TTPA: variants seen among roughly 807,000 people sequenced by gnomAD.
TTPA encodes the protein alpha-tocopherol transfer protein.
Under a neutral mutation model 25.9 loss-of-function variants are expected in TTPA, and 23 were observed. The observed-to-expected ratio is 0.89, with a 90% CI of 0.64 to 1.26. TTPA has a LOEUF of 1.26. Among genes scored for constraint, TTPA ranks in the 50% most tolerant of loss-of-function variants. The pLI is 0.00. For missense variants in TTPA, 337 were observed against 353.1 expected, an observed-to-expected ratio of 0.95 and a Z score of 0.37; for synonymous variants, 148 against 137.3, an observed-to-expected ratio of 1.08 and a Z score of -0.54.
chr8:63,067,867 T>C (rs180806342), intron 2 of TTPA, among the ~76,000 whole-genome samples: 103 of 152,298 alleles, frequency 6.8e-4, no homozygotes, highest in Non-Finnish European at 1.2e-3. Flanking sequence ...ACATGTGGTA[T>C]TTCGTTTTCT....
At chr8:63,085,096 A>G (rs1179525049) in intron 1 of TTPA, among the ~76,000 whole-genome samples, 5 of 152,204 alleles carry the variant, frequency 3.3e-5, no homozygotes, top group East Asian at 1.9e-4. Context: ...TTAATGTTCA[A>G]TCTTCACAAA....
intron 2 of TTPA, among the ~76,000 whole-genome samples, chr8:63,072,013 T>G (rs1805491067): frequency 6.6e-6 from 1 of 152,204 alleles, no homozygotes; most frequent in African/African-American, 2.4e-5. Context: ...GTTAATGGAA[T>G]ACCGTGTCTG....
chr8:63,073,607 T>C (rs1203387079), intron 1 of TTPA, among the ~76,000 whole-genome samples: 3 of 152,184 alleles, frequency 2.0e-5, no homozygotes. Flanking sequence ...TCCTGGATAG[T>C]GTGACCTCAG....
At chr8:63,065,047 A>T (rs1805367756) in intron 3 of TTPA, among the ~76,000 whole-genome samples, 2 of 152,206 alleles carry the variant, frequency 1.3e-5, no homozygotes. Context: ...GCTTTTGCAA[A>T]TATCATGTTT....
chr8:63,079,545 A>G (rs890172263), intron 1 of TTPA, among the ~76,000 whole-genome samples: 2 of 152,176 alleles, frequency 1.3e-5, no homozygotes, highest in African/African-American at 2.4e-5. Context: ...GATAAAACAG[A>G]CTTTAAACCA....
chr8:63,065,408 C>T (rs1805373660), intron 3 of TTPA, among the ~76,000 whole-genome samples: 1 of 152,108 alleles, frequency 6.6e-6, no homozygotes, highest in East Asian at 1.9e-4. Context: ...AAGTACCTGG[C>T]ACATAGTAAG....
chr8:63,065,991 C>T lies in TTPA; in HGVS notation c.465G>A (p.Lys155=), dbSNP rs755714678. 17 of 1,613,908 alleles carry T rather than the reference C, an allele frequency of 1.1e-5. No individual in the cohort carries two copies. The East Asian group carries it at 2.5e-4, about 23-fold the overall frequency. ...QEVETQRNGI[K]AIFDLEGWQF... Reference sequence around the variant, plus strand: ...GCCAACCTTCCAGATCAAAGATAGCCTTGATTCCATTCCGCTGAGTTTCTA... The same window carrying T: ...GCCAACCTTCCAGATCAAAGATAGCTTTGATTCCATTCCGCTGAGTTTCTA... Residue 155 remains lysine (K), a synonymous_variant, in exon 3 of 5, where the codon AAG becomes AAA. Transcript: ENST00000260116.
chr8:63,076,381 T>C (rs1277540325), intron 1 of TTPA, among the ~76,000 whole-genome samples: 1 of 151,012 alleles, frequency 6.6e-6, no homozygotes, highest in Non-Finnish European at 1.5e-5. Context: ...GCTTCTATAT[T>C]ATGAATGAAG....
intron 1 of TTPA, among the ~76,000 whole-genome samples, chr8:63,074,475 G>A (rs1157880155): frequency 6.6e-6 from 1 of 152,152 alleles, no homozygotes; most frequent in Non-Finnish European, 1.5e-5. Context: ...GTTGCTAAGA[G>A]TTAAATGCAA....
intron 2 of TTPA, among the ~76,000 whole-genome samples, chr8:63,070,263 T>G (rs7846558): frequency 2.0e-5 from 3 of 152,212 alleles, no homozygotes; most frequent in Admixed American, 6.5e-5. Context: ...AATTATATCC[T>G]ACAGCATGTT....
chr8:63,060,021 T>C lies in TTPA; in HGVS notation c.*1231A>G, dbSNP rs542746881. On this transcript the variant is annotated 3_prime_UTR_variant, in exon 5 of 5. Transcript: ENST00000260116. ...TTTACCAGATGTTTTTTTAAGTTAATATAAATTGCAGGATTTGATTAAAAT... is the reference window on the plus strand; with the variant it reads ...TTTACCAGATGTTTTTTTAAGTTAACATAAATTGCAGGATTTGATTAAAAT... The C allele has an allele frequency of 3.3e-5, 5 of 152,262 alleles. No individual in the cohort carries two copies. Among genetic ancestry groups the C allele is most frequent in the Non-Finnish European group, 2.9e-5 (2 of 68,004 alleles). The allele number at this position is 152,262 out of a possible 1,614,324, so 9.4% of individuals were successfully genotyped here. A position where few individuals can be genotyped will look rare whatever the true frequency, so the allele number is the denominator to read the frequency against.
chr8:63,068,087 G>A (rs1377764052), intron 2 of TTPA, among the ~76,000 whole-genome samples: 1 of 152,150 alleles, frequency 6.6e-6, no homozygotes, highest in Non-Finnish European at 1.5e-5. Context: ...GGGTGCAGCT[G>A]GAATAGCAGC....
rs905729592 is a variant in TTPA, at chr8:63,060,516, G to C, written c.*736C>G. The C allele has an allele frequency of 1.3e-5, 2 of 152,170 alleles. No individual in the cohort carries two copies. Among genetic ancestry groups the C allele is most frequent in the African/African-American group, 4.8e-5 (2 of 41,406 alleles). The allele number at this position is 152,170 out of a possible 1,614,324, so 9.4% of individuals were successfully genotyped here. On this transcript the variant is annotated 3_prime_UTR_variant, in exon 5 of 5. Transcript: ENST00000260116. ...GCAAATTACTTGAGTTCAGGAGTTTGAGACCAGCTTGGCCAACGTGGCAAA... is the reference window on the plus strand; with the variant it reads ...GCAAATTACTTGAGTTCAGGAGTTTCAGACCAGCTTGGCCAACGTGGCAAA...
chr8:63,074,677 A>G (rs1002671922), intron 1 of TTPA, among the ~76,000 whole-genome samples: 1 of 152,170 alleles, frequency 6.6e-6, no homozygotes, highest in Non-Finnish European at 1.5e-5. Context: ...AGTATTTTAC[A>G]ATGCTTTTTA....
rs1805505045 is a variant in TTPA, at chr8:63,072,946, A to G, written c.347T>C (p.Ile116Thr). The G allele has an allele frequency of 6.2e-7, 1 of 1,614,036 alleles. No homozygotes were observed. The highest frequency in any genetic ancestry group is 1.3e-5 in the African/African-American group (1 of 74,924). ...SRDPTGSKVL[I>T]YRIAHWDPKV... ...TGTGTATGACTTACCGATTCTGTAA[A>G]TAAGAACTTTGCTGCCAGTGGGATC... Residue 116 changes from isoleucine (I) to threonine (T), a missense_variant, in exon 2 of 5, where the codon ATT (isoleucine) becomes ACT (threonine). Coordinates refer to ENST00000260116, the MANE Select transcript of TTPA (RefSeq NM_000370.3).
At chr8:63,067,159 T>A (rs979824328) in intron 2 of TTPA, among the ~76,000 whole-genome samples, 1 of 152,026 alleles carries the variant, frequency 6.6e-6, no homozygotes, top group Non-Finnish European at 1.5e-5. Flanking sequence ...AAAGACTCCA[T>A]TGAGATATTA....
chr8:63,082,516 T>G (rs939698951), intron 1 of TTPA, among the ~76,000 whole-genome samples: 2 of 152,194 alleles, frequency 1.3e-5, no homozygotes, highest in African/African-American at 4.8e-5. Flanking sequence ...GACTTAAATG[T>G]TAGACCTAAA....
chr8:63,071,016 T>C (rs1302598103), intron 2 of TTPA, among the ~76,000 whole-genome samples: 1 of 152,180 alleles, frequency 6.6e-6, no homozygotes, highest in Non-Finnish European at 1.5e-5. Context: ...TCCTTTATTT[T>C]TATAACATAT....
downstream of TTPA, among the ~76,000 whole-genome samples, chr8:63,059,147 TCAGCCTCCCAAGTAGCTGGGACTA>T (rs1805255476): frequency 7.0e-6 from 1 of 142,746 alleles, no homozygotes; most frequent in South Asian, 2.3e-4. Flanking sequence ...TTCTCCTGCC[TCAGCCTCCCAAGTAGCTGGGACTA>T]CAGGCGCCCG....
Sources: gnomAD v4.1 joint callset for allele counts (sites outside exome capture counted in the v4.1 genomes callset) on GRCh38, gnomAD v4.1.1 for gene constraint, MANE v1.5 for transcripts, NCBI Gene and HGNC (gene_info 2026-07-23, HGNC 2026-07-21) for gene names.